The following TEK variants were observed in gnomAD, a reference collection of about 807,000 sequenced individuals.
TEK encodes the protein TEK receptor tyrosine kinase, also known as angiopoietin-1 receptor.
A neutral mutation model predicts 131.8 loss-of-function variants in TEK; 43 were observed. That is an observed-to-expected ratio of 0.33 (90% CI 0.26 to 0.42). TEK has a LOEUF of 0.42. Ranked by LOEUF, TEK falls within the 10% of genes least tolerant of loss-of-function variation. The pLI, the probability that TEK is intolerant of heterozygous loss-of-function variation, is 1.00. For missense variants in TEK, 1,162 were observed against 1,384.4 expected, an observed-to-expected ratio of 0.84 and a Z score of 2.55; for synonymous variants, 580 against 491.6, an observed-to-expected ratio of 1.18 and a Z score of -2.38.
intron 16 of TEK, among the ~76,000 whole-genome samples, chr9:27,212,394 T>G (rs12002221): frequency 0.012 from 1,828 of 152,320 alleles, 31 homozygotes; most frequent in African/African-American, 0.041. Flanking sequence ...TGGAAGAGCA[T>G]GCTTTGACTC....
chr9:27,197,604 G>T lies in TEK; in HGVS notation c.1909+5G>T. ...CTGCTTGGACCCTTAGTGACAGTAA[G>T]TAATTCATGCTGCTCCAGCCTCATC... On this transcript the variant is annotated splice_donor_5th_base_variant and intron_variant, in intron 12 of 22. Coordinates refer to ENST00000380036, the MANE Select transcript of TEK (RefSeq NM_000459.5). 6.2e-7 allele frequency: 1 copy of T among 1,613,836 alleles called. No individual in the cohort carries two copies. The highest frequency in any genetic ancestry group is 8.5e-7 in the Non-Finnish European group (1 of 1,179,926).
intron 1 of TEK, among the ~76,000 whole-genome samples, chr9:27,148,729 C>T (rs1393804640): frequency 6.6e-6 from 1 of 152,226 alleles, no homozygotes; most frequent in Non-Finnish European, 1.5e-5. Flanking sequence ...TTTCATGAAT[C>T]TACTGCGACT....
chr9:27,126,501 T>C (rs1821996643), intron 1 of TEK, among the ~76,000 whole-genome samples: 1 of 152,196 alleles, frequency 6.6e-6, no homozygotes, highest in Non-Finnish European at 1.5e-5. Flanking sequence ...AAAGTGCTTT[T>C]GAGGTTACAA....
chr9:27,124,502 C>T (rs1224336364), intron 1 of TEK, among the ~76,000 whole-genome samples: 1 of 152,212 alleles, frequency 6.6e-6, no homozygotes, highest in African/African-American at 2.4e-5. Flanking sequence ...GGCCTTGGCT[C>T]AGAACTAGCA....
At chr9:27,190,418 A>C in intron 9 of TEK, 111 bp from the exon 10 acceptor site, 1 of 1,353,394 alleles carries the variant, frequency 7.4e-7, no homozygotes, top group South Asian at 1.3e-5. Flanking sequence ...TGAGCAGAAA[A>C]CTTTAAGAGG....
chr9:27,111,800 T>C (rs1821358167), intron 1 of TEK, among the ~76,000 whole-genome samples: 1 of 152,030 alleles, frequency 6.6e-6, no homozygotes, highest in Admixed American at 6.6e-5. Flanking sequence ...AACAAAAAAA[T>C]CACTGTGATT....
At chr9:27,219,419 TA>T (rs1825958635) in intron 20 of TEK, among the ~76,000 whole-genome samples, 1 of 152,030 alleles carries the variant, frequency 6.6e-6, no homozygotes, top group African/African-American at 2.4e-5. Flanking sequence ...TTGTCACTCA[TA>T]AGTGGGGGTT....
At chr9:27,138,725 A>G (rs1158002367) in intron 1 of TEK, among the ~76,000 whole-genome samples, 3 of 152,206 alleles carry the variant, frequency 2.0e-5, no homozygotes, top group Admixed American at 2.0e-4. Context: ...GATGGAAAAT[A>G]CAGTATTCAC....
chr9:27,192,583 G>A lies in TEK; in HGVS notation c.1584G>A (p.Gly528=), dbSNP rs371652913. The change falls in exon 11 of 23, where the codon GGG becomes GGA. Residue 528 remains glycine, a synonymous_variant. Transcript: ENST00000380036. ...QLVRRGEGGE[G]HPGPVRRFTT... is the part of the protein sequence containing the mutation. ...TCCGTCGTGGAGAGGGTGGGGAAGG[G>A]CATCCTGGACCTGTGAGACGCTTCA... 3.0e-5 allele frequency: 49 copies of A among 1,613,776 alleles called. No homozygotes were observed. The highest frequency in any genetic ancestry group is 3.9e-5 in the Non-Finnish European group (46 of 1,179,918).
chr9:27,153,527 A>C (rs1273196889), intron 1 of TEK, among the ~76,000 whole-genome samples: 1 of 152,266 alleles, frequency 6.6e-6, no homozygotes, highest in East Asian at 1.9e-4. Flanking sequence ...GATGTATGAT[A>C]TTAAATATGC....
At chr9:27,151,115 C>G (rs1045634707) in intron 1 of TEK, among the ~76,000 whole-genome samples, 1 of 152,154 alleles carries the variant, frequency 6.6e-6, no homozygotes, top group African/African-American at 2.4e-5. Flanking sequence ...TATTTCCAGT[C>G]TTGTATATTT....
intron 1 of TEK, among the ~76,000 whole-genome samples, chr9:27,138,828 GT>G (rs1822605435): frequency 6.6e-6 from 1 of 152,128 alleles, no homozygotes; most frequent in African/African-American, 2.4e-5. Flanking sequence ...TGTGAATTTG[GT>G]TGTACACAAG....
intron 12 of TEK, chr9:27,198,480 G>C (rs557389005): frequency 6.6e-5 from 10 of 152,306 alleles, no homozygotes; most frequent in African/African-American, 2.4e-4. Context: ...CTCTTTTATT[G>C]CATCAGTGAC....
intron 12 of TEK, among the ~76,000 whole-genome samples, chr9:27,200,801 G>A (rs1825188663): frequency 6.6e-6 from 1 of 152,126 alleles, no homozygotes; most frequent in Admixed American, 6.6e-5. Flanking sequence ...TACATGGGGA[G>A]TATTTGACCC....
In TEK at chr9:27,192,553, A is replaced by C; in HGVS notation, c.1554A>C (p.Gln518His). 6.2e-7 allele frequency: 1 copy of C among 1,614,034 alleles called. No individual in the cohort carries two copies. Among genetic ancestry groups the C allele is most frequent in the Non-Finnish European group, 8.5e-7 (1 of 1,179,938 alleles). Residue 518 changes from glutamine (Q) to histidine (H), a missense_variant, in exon 11 of 23, where the codon CAA (glutamine) becomes CAC (histidine). Around this residue, in one of 6 missense-constraint regions of TEK, gnomAD observed 477 missense variants for 471.0 expected, o/e 1.01. Transcript: ENST00000380036. ...EPRTEYELCVQLVRRGEGGEG... is the reference protein window; with the variant it reads ...EPRTEYELCVHLVRRGEGGEG... ...GGACAGAATATGAACTCTGTGTGCAACTGGTCCGTCGTGGAGAGGGTGGGG... is the reference window on the plus strand; with the variant it reads ...GGACAGAATATGAACTCTGTGTGCACCTGGTCCGTCGTGGAGAGGGTGGGG...
intron 1 of TEK, among the ~76,000 whole-genome samples, chr9:27,123,396 C>T (rs1240393408): frequency 1.3e-5 from 2 of 152,158 alleles, no homozygotes. Context: ...TCTGCCATCA[C>T]AGGTACTCTC....
intron 1 of TEK, among the ~76,000 whole-genome samples, chr9:27,119,647 T>G (rs1287028247): frequency 6.6e-6 from 1 of 152,076 alleles, no homozygotes; most frequent in African/African-American, 2.4e-5. Flanking sequence ...TCTCTGTTGC[T>G]CAACGAGCTG....
intron 9 of TEK, 97 bp from the exon 10 acceptor site, chr9:27,190,432 T>C (rs941862054): frequency 1.4e-6 from 2 of 1,475,436 alleles, no homozygotes; most frequent in Admixed American, 1.8e-5. Flanking sequence ...TAAGAGGACT[T>C]TGTTGGACAT....
At chr9:27,208,893 G>T (rs1425706573) in intron 15 of TEK, among the ~76,000 whole-genome samples, 1 of 151,850 alleles carries the variant, frequency 6.6e-6, no homozygotes, top group Non-Finnish European at 1.5e-5. Context: ...TAGAGGCCAG[G>T]ATGGCTGCAA....
Sources: allele counts gnomAD v4.1 joint callset (sites outside exome capture counted in the v4.1 genomes callset), GRCh38; gene constraint gnomAD v4.1.1; regional missense constraint gnomAD v4.1.1; transcripts MANE v1.5; gene names NCBI Gene and HGNC (gene_info 2026-07-23, HGNC 2026-07-21).